The following XKR3 variants were observed in gnomAD, a reference collection of about 807,000 sequenced individuals.
XKR3 encodes the protein XK related 3.
In XKR3, 27 loss-of-function variants were observed where a neutral mutation model predicts 40.3. The observed-to-expected ratio is 0.67, with a 90% CI of 0.49 to 0.92. The LOEUF (loss-of-function observed/expected upper bound fraction) is 0.92. XKR3 is among the 40% of genes least tolerant of loss of function. The pLI, the probability that XKR3 is intolerant of heterozygous loss-of-function variation, is 0.00. For missense variants in XKR3, 472 were observed against 537.6 expected, an observed-to-expected ratio of 0.88 and a Z score of 1.21; for synonymous variants, 193 against 195.4, an observed-to-expected ratio of 0.99 and a Z score of 0.10.
At chr22:16,805,665 AATTT>A (rs1308192819) in intron 2 of XKR3, among the ~76,000 whole-genome samples, 1 of 152,228 alleles carries the variant, frequency 6.6e-6, no homozygotes, top group Non-Finnish European at 1.5e-5. Flanking sequence ...CAACTTAATT[AATTT>A]GTTAATTAAT....
chr22:16,793,312 C>A (rs112575244), intron 3 of XKR3, among the ~76,000 whole-genome samples: 1 of 152,190 alleles, frequency 6.6e-6, no homozygotes, highest in African/African-American at 2.4e-5. Context: ...GCCCCTGGCC[C>A]TCGTGACTAT....
chr22:16,820,749 A>G (rs1220225355), intron 1 of XKR3, among the ~76,000 whole-genome samples: 1 of 152,204 alleles, frequency 6.6e-6, no homozygotes, highest in Non-Finnish European at 1.5e-5. Flanking sequence ...TGACAGAGTA[A>G]TCAGGAAATA....
chr22:16,803,303 T>A (rs540388606), intron 2 of XKR3, among the ~76,000 whole-genome samples: 1 of 151,960 alleles, frequency 6.6e-6, no homozygotes, highest in African/African-American at 2.4e-5. Flanking sequence ...GACAAAAAAG[T>A]CCTCAACACC....
At chr22:16,803,845 C>T (rs926933199) in intron 2 of XKR3, among the ~76,000 whole-genome samples, 1 of 152,166 alleles carries the variant, frequency 6.6e-6, no homozygotes, top group Non-Finnish European at 1.5e-5. Context: ...AACCAGCAGC[C>T]TTTGGGCATG....
intron 3 of XKR3, among the ~76,000 whole-genome samples, chr22:16,787,626 A>G (rs2060096273): frequency 6.6e-6 from 1 of 152,030 alleles, no homozygotes; most frequent in Non-Finnish European, 1.5e-5. Flanking sequence ...TAGAGAAATA[A>G]CAACAAAAAA....
intron 3 of XKR3, among the ~76,000 whole-genome samples, chr22:16,796,386 C>T (rs1350497163): frequency 6.6e-6 from 1 of 152,150 alleles, no homozygotes; most frequent in African/African-American, 2.4e-5. Context: ...CAGCCTGATA[C>T]CAAAACCTGG....
rs58863511 is a variant in XKR3 at position 16,822,185 on chromosome 22, A to G, written c.-11+3106T>C. On this transcript the variant is annotated intron_variant, in intron 1 of 3. Coordinates refer to ENST00000684488, the MANE Select transcript of XKR3 (RefSeq NM_001386955.1). ...AATAATAAAATATTGTGGTTATATAATTTTAAAAATGCATGTAGCACAGAG... is the reference window on the plus strand; with the variant it reads ...AATAATAAAATATTGTGGTTATATAGTTTTAAAAATGCATGTAGCACAGAG... Among the ~76,000 whole-genome samples, 1,052 of 152,274 alleles carry G rather than the reference A, an allele frequency of 6.9e-3. 13 individuals carry two copies. Among genetic ancestry groups the G allele is most frequent in the African/African-American group, 0.024 (1,009 of 41,570 alleles).
intron 1 of XKR3, among the ~76,000 whole-genome samples, chr22:16,821,351 A>T (rs1316605755): frequency 2.0e-5 from 3 of 152,164 alleles, no homozygotes; most frequent in Non-Finnish European, 4.4e-5. Flanking sequence ...CTAACAGATT[A>T]TCTTAAGAGT....
At chr22:16,816,522 C>A (rs1364892241) in intron 1 of XKR3, among the ~76,000 whole-genome samples, 1 of 151,462 alleles carries the variant, frequency 6.6e-6, no homozygotes, top group African/African-American at 2.4e-5. Context: ...CAAAAAAAAA[C>A]CCACACAAAT....
intron 1 of XKR3, among the ~76,000 whole-genome samples, chr22:16,810,601 T>C (rs2146171505): frequency 6.6e-6 from 1 of 152,288 alleles, no homozygotes; most frequent in South Asian, 2.1e-4. Context: ...GTAACCATTT[T>C]AAAGTACACA....
chr22:16,811,383 C>G (rs1341041260), intron 1 of XKR3, among the ~76,000 whole-genome samples: 3 of 152,138 alleles, frequency 2.0e-5, no homozygotes, highest in Non-Finnish European at 4.4e-5. Flanking sequence ...ACCTTGGCCC[C>G]ACCAAAGTGT....
intron 3 of XKR3, among the ~76,000 whole-genome samples, chr22:16,794,128 T>C (rs2060131414): frequency 1.3e-5 from 2 of 152,088 alleles, no homozygotes; most frequent in Non-Finnish European, 1.5e-5. Flanking sequence ...AAAAATAAAT[T>C]TGAGGAGACA....
Position 16,797,644 on chromosome 22 carries a change from T to A in XKR3, c.589+2127A>T, listed in dbSNP as rs552542638. 5.6e-3 allele frequency among the ~76,000 whole-genome samples: 852 copies of A among 151,396 alleles called. 11 individuals are homozygous for A. Among genetic ancestry groups the A allele is most frequent in the African/African-American group, 0.02 (817 of 41,202 alleles). ...CGTCTCTACTAAAAATACAAAAAAA[T>A]TAGCTGGGCATGGTGGTGGGCACCT... On this transcript the variant is annotated intron_variant, in intron 3 of 3. Coordinates refer to ENST00000684488, the MANE Select transcript of XKR3 (RefSeq NM_001386955.1).
chr22:16,786,946 A>G (rs1368948756), intron 3 of XKR3, among the ~76,000 whole-genome samples: 1 of 152,204 alleles, frequency 6.6e-6, no homozygotes, highest in South Asian at 2.1e-4. Flanking sequence ...GCATGGACAC[A>G]TAGCCTGACA....
Position 16,788,601 on chromosome 22 carries a change from A to T in XKR3, c.590-4192T>A, listed in dbSNP as rs867292627. 6.9e-3 allele frequency among the ~76,000 whole-genome samples: 1,047 copies of T among 152,086 alleles called. 5 individuals carry two copies. Among genetic ancestry groups the T allele is most frequent in the African/African-American group, 0.023 (973 of 41,516 alleles). On this transcript the variant is annotated intron_variant, in intron 3 of 3. Coordinates refer to ENST00000684488, the MANE Select transcript of XKR3 (RefSeq NM_001386955.1). Reference sequence around the variant, plus strand: ...TCTTTTTAACCTAGTGGAAAAAAATAAAAAAAAGAAGATATGTGAACTGTT... The same window carrying T: ...TCTTTTTAACCTAGTGGAAAAAAATTAAAAAAAGAAGATATGTGAACTGTT...
chr22:16,795,021 T>A (rs2060134674), intron 3 of XKR3, among the ~76,000 whole-genome samples: 1 of 152,194 alleles, frequency 6.6e-6, no homozygotes, highest in Admixed American at 6.5e-5. Flanking sequence ...AAAGAAACTC[T>A]GGACTTAAAC....
At chr22:16,805,180 A>G (rs2060184980) in intron 2 of XKR3, among the ~76,000 whole-genome samples, 2 of 152,212 alleles carry the variant, frequency 1.3e-5, no homozygotes, top group South Asian at 4.1e-4. Flanking sequence ...GTATACAGAA[A>G]ATCTGGAGGA....
intron 1 of XKR3, among the ~76,000 whole-genome samples, chr22:16,822,441 A>G (rs891598138): frequency 3.9e-4 from 59 of 152,198 alleles, no homozygotes; most frequent in African/African-American, 1.3e-3. Flanking sequence ...GGAACAAGTA[A>G]CACATGGAGA....
intron 2 of XKR3, among the ~76,000 whole-genome samples, chr22:16,801,453 T>C (rs1601844892): frequency 6.6e-6 from 1 of 152,002 alleles, no homozygotes; most frequent in Non-Finnish European, 1.5e-5. Flanking sequence ...GAGGCAGGAG[T>C]ATCGCTTGAG....
Sources: gnomAD v4.1 joint callset for allele counts (sites outside exome capture counted in the v4.1 genomes callset) on GRCh38, gnomAD v4.1.1 for gene constraint, MANE v1.5 for transcripts, NCBI Gene and HGNC (gene_info 2026-07-23, HGNC 2026-07-21) for gene names.